The following GULP1 variants were observed in gnomAD, a reference collection of about 807,000 sequenced individuals.
GULP1 encodes the protein GULP PTB domain containing engulfment adaptor 1, also known as PTB domain-containing engulfment adapter protein 1.
Under a neutral mutation model 40.9 loss-of-function variants are expected in GULP1, and 19 were observed. The observed-to-expected ratio is 0.46, with a 90% CI of 0.32 to 0.68. The LOEUF is 0.68. Ranked by LOEUF, GULP1 falls within the 30% of genes least tolerant of loss-of-function variation. The pLI, the probability that GULP1 is intolerant of heterozygous loss-of-function variation, is 0.03. For missense variants in GULP1, 312 were observed against 362.2 expected, an observed-to-expected ratio of 0.86 and a Z score of 1.12; for synonymous variants, 119 against 117.6, an observed-to-expected ratio of 1.01 and a Z score of -0.08.
At position 188,491,267 on chromosome 2, in the gene GULP1, A is replaced by C. The variant is rs137925262; in HGVS notation, c.90+7775A>C. Among the ~76,000 whole-genome samples, 24 of 152,186 alleles carry C rather than the reference A, an allele frequency of 1.6e-4. No homozygotes were observed. The East Asian group carries it at 4.6e-3, about 29-fold the overall frequency. On this transcript the variant is annotated intron_variant, in intron 4 of 11. Transcript: ENST00000409830. Reference sequence around the variant, plus strand: ...GATTACAGTTTTGGAGGAAAAAAAAACATGTTTCCAAAAAGTAAAAAACAT... The same window carrying C: ...GATTACAGTTTTGGAGGAAAAAAAACCATGTTTCCAAAAAGTAAAAAACAT...
chr2:188,359,184 A>C (rs1229508618), intron 1 of GULP1, among the ~76,000 whole-genome samples: 1 of 152,104 alleles, frequency 6.6e-6, no homozygotes, highest in Non-Finnish European at 1.5e-5. Context: ...ATATGCCTCC[A>C]TTCTGTTCTC....
intron 11 of GULP1, chr2:188,591,373 G>A (rs1214815109): frequency 6.6e-6 from 1 of 151,936 alleles, no homozygotes; most frequent in South Asian, 2.1e-4. Context: ...TCTTTAAAGG[G>A]TAGCTTGTTA....
chr2:188,591,975 A>G (rs1384348227), intron 11 of GULP1: 1 of 151,900 alleles, frequency 6.6e-6, no homozygotes, highest in Non-Finnish European at 1.5e-5. Flanking sequence ...TTGAAGCTCA[A>G]CAGGTGTGGG....
At chr2:188,389,805 A>G (rs1413338196) in intron 2 of GULP1, among the ~76,000 whole-genome samples, 1 of 151,926 alleles carries the variant, frequency 6.6e-6, no homozygotes, top group East Asian at 1.9e-4. Context: ...AGAGTCTCCA[A>G]AGTCTCTTAT....
At chr2:188,518,140 C>A (rs375301603) in intron 4 of GULP1, among the ~76,000 whole-genome samples, 1 of 152,062 alleles carries the variant, frequency 6.6e-6, no homozygotes, top group East Asian at 1.9e-4. Context: ...GGAATGTAAG[C>A]ATTTAAGCCT....
chr2:188,396,196 G>A (rs570223619), intron 2 of GULP1, among the ~76,000 whole-genome samples: 1 of 152,310 alleles, frequency 6.6e-6, no homozygotes, highest in African/African-American at 2.4e-5. Flanking sequence ...AAGTACTCTG[G>A]TTTCTTAGGC....
At chr2:188,454,848 G>T (rs2059129517) in intron 2 of GULP1, among the ~76,000 whole-genome samples, 1 of 152,134 alleles carries the variant, frequency 6.6e-6, no homozygotes, top group Non-Finnish European at 1.5e-5. Flanking sequence ...CTTCGGCTGG[G>T]CATGGAGTTT....
intron 1 of GULP1, among the ~76,000 whole-genome samples, chr2:188,299,619 C>G (rs2035769619): frequency 6.6e-6 from 1 of 152,120 alleles, no homozygotes; most frequent in Non-Finnish European, 1.5e-5. Flanking sequence ...TCAAATAACA[C>G]TTGTTCTTTT....
chr2:188,468,492 A>G (rs1449245211), intron 2 of GULP1, among the ~76,000 whole-genome samples: 1 of 152,202 alleles, frequency 6.6e-6, no homozygotes, highest in East Asian at 1.9e-4. Flanking sequence ...TTCAACATAT[A>G]TTAACTATAG....
At chr2:188,591,035 A>T (rs1004879822) in intron 11 of GULP1, 3 of 152,106 alleles carry the variant, frequency 2.0e-5, no homozygotes, top group African/African-American at 2.4e-5. Flanking sequence ...CCAATTTTTT[A>T]AAATTTACTG....
chr2:188,310,018 GTAAACC>G (rs2106323936), intron 1 of GULP1, among the ~76,000 whole-genome samples: 1 of 152,228 alleles, frequency 6.6e-6, no homozygotes, highest in East Asian at 1.9e-4. Context: ...TTGTTTTAAA[GTAAACC>G]TTCTATATTT....
At chr2:188,478,849 G>A (rs1455444794) in intron 3 of GULP1, among the ~76,000 whole-genome samples, 1 of 152,090 alleles carries the variant, frequency 6.6e-6, no homozygotes, top group Admixed American at 6.6e-5. Flanking sequence ...TTCAGTATCA[G>A]GCAGTTGGGC....
chr2:188,560,841 A>G (rs1444461354), intron 7 of GULP1, among the ~76,000 whole-genome samples: 3 of 152,112 alleles, frequency 2.0e-5, no homozygotes, highest in African/African-American at 7.2e-5. Flanking sequence ...AAGTGACCAG[A>G]TCTCATGAGA....
chr2:188,491,998 C>A (rs998804166), intron 4 of GULP1, among the ~76,000 whole-genome samples: 3 of 151,680 alleles, frequency 2.0e-5, no homozygotes, highest in Admixed American at 6.6e-5. Flanking sequence ...GTTTATTTTT[C>A]TAAACCTTTA....
At chr2:188,301,320 G>A (rs2036098457) in intron 1 of GULP1, among the ~76,000 whole-genome samples, 1 of 152,136 alleles carries the variant, frequency 6.6e-6, no homozygotes, top group Non-Finnish European at 1.5e-5. Flanking sequence ...ACTGTACTTG[G>A]CTCCAAGTTC....
At chr2:188,502,925 G>A (rs72913360) in intron 4 of GULP1, among the ~76,000 whole-genome samples, 1,822 of 151,986 alleles carry the variant, frequency 0.012, 15 homozygotes, top group East Asian at 0.022. Context: ...CTTGAACTCT[G>A]TGTGCTCCAG....
intron 4 of GULP1, among the ~76,000 whole-genome samples, chr2:188,516,628 C>T (rs887866280): frequency 3.6e-4 from 54 of 152,088 alleles, no homozygotes; most frequent in African/African-American, 1.3e-3. Flanking sequence ...AACAGGTTCT[C>T]ACCTTTAGGC....
At chr2:188,570,743 G>A (rs553301482) in intron 9 of GULP1, among the ~76,000 whole-genome samples, 26 of 152,014 alleles carry the variant, frequency 1.7e-4, no homozygotes, top group Non-Finnish European at 2.9e-4. Flanking sequence ...GAGGGAGGTG[G>A]AATTTAAAAC....
chr2:188,308,438 A>G (rs1392344141), intron 1 of GULP1, among the ~76,000 whole-genome samples: 2 of 152,198 alleles, frequency 1.3e-5, no homozygotes, highest in Non-Finnish European at 2.9e-5. Context: ...TTTCCCCAAC[A>G]TTTAAAAAAG....
Sources: allele counts gnomAD v4.1 joint callset (sites outside exome capture counted in the v4.1 genomes callset), GRCh38; gene constraint gnomAD v4.1.1; transcripts MANE v1.5; gene names NCBI Gene and HGNC (gene_info 2026-07-23, HGNC 2026-07-21).